PPP3CA: variants seen among roughly 807,000 people sequenced by gnomAD.
PPP3CA encodes the protein CAM-PRP catalytic subunit.
In PPP3CA, 14 loss-of-function variants were observed where a neutral mutation model predicts 66.5. That is an observed-to-expected ratio of 0.21 (90% confidence interval 0.14 to 0.33). The LOEUF is 0.33. PPP3CA is among the 10% of genes least tolerant of loss of function. The pLI, the probability that PPP3CA is intolerant of heterozygous loss-of-function variation, is 1.00. For synonymous variants in PPP3CA, 232 were observed against 226.2 expected, an observed-to-expected ratio of 1.03 and a Z score of -0.23; for missense variants, 317 against 639.5, an observed-to-expected ratio of 0.50 and a Z score of 5.44.
intron 8 of PPP3CA, among the ~76,000 whole-genome samples, chr4:101,073,702 C>A (rs1729024484): frequency 6.6e-6 from 1 of 152,066 alleles, no homozygotes; most frequent in Admixed American, 6.5e-5. Flanking sequence ...AATAAATTAT[C>A]TTCTAGTGTG....
intron 1 of PPP3CA, among the ~76,000 whole-genome samples, chr4:101,304,176 A>C (rs1479581405): frequency 6.6e-6 from 1 of 152,146 alleles, no homozygotes; most frequent in Non-Finnish European, 1.5e-5. Flanking sequence ...TCATCAGGAT[A>C]TTTCAGTAAT....
At chr4:101,149,122 T>G (rs1263937894) in intron 2 of PPP3CA, among the ~76,000 whole-genome samples, 1 of 152,170 alleles carries the variant, frequency 6.6e-6, no homozygotes, top group East Asian at 1.9e-4. Flanking sequence ...GAAGCTATAA[T>G]CACATGTAAC....
intron 2 of PPP3CA, among the ~76,000 whole-genome samples, chr4:101,157,001 G>T (rs1723345039): frequency 6.6e-6 from 1 of 152,186 alleles, no homozygotes. Flanking sequence ...AGCAATCACA[G>T]ATTAACATTC....
rs1412619260 is a variant in PPP3CA, at chr4:101,115,828, T to C, written c.260-6750A>G. Among the ~76,000 whole-genome samples the C allele has an allele frequency of 2.6e-5, 4 of 152,108 alleles. No homozygotes were observed. In the East Asian group the frequency reaches 5.8e-4, roughly 22 times the overall value. On this transcript the variant is annotated intron_variant, in intron 2 of 13. Coordinates refer to ENST00000394854, the MANE Select transcript of PPP3CA (RefSeq NM_000944.5). Reference sequence around the variant, plus strand: ...AAGGGAAATCCGTTAAAGAACATCATTGGGTCAACTTGTTAACAATGAGCA... The same window carrying C: ...AAGGGAAATCCGTTAAAGAACATCACTGGGTCAACTTGTTAACAATGAGCA...
At chr4:101,258,643 C>A (rs1021789645) in intron 1 of PPP3CA, among the ~76,000 whole-genome samples, 2 of 152,012 alleles carry the variant, frequency 1.3e-5, no homozygotes, top group Non-Finnish European at 2.9e-5. Context: ...TACTACTGAG[C>A]TAAACTACTC....
chr4:101,055,476 A>C (rs1728186942), intron 10 of PPP3CA, among the ~76,000 whole-genome samples: 1 of 152,200 alleles, frequency 6.6e-6, no homozygotes, highest in Non-Finnish European at 1.5e-5. Context: ...TAGATCATCA[A>C]AAGACATTCA....
chr4:101,178,888 C>T (rs1201323102), intron 2 of PPP3CA, among the ~76,000 whole-genome samples: 1 of 152,090 alleles, frequency 6.6e-6, no homozygotes, highest in Non-Finnish European at 1.5e-5. Flanking sequence ...CACACATAAA[C>T]CACCTCTGAC....
Position 101,069,769 on chromosome 4 carries a change from C to A in PPP3CA, c.956-6412G>T, listed in dbSNP as rs908613054. Among the ~76,000 whole-genome samples, 4 of 152,184 alleles carry A rather than the reference C, an allele frequency of 2.6e-5. No homozygotes were observed. In the South Asian group the frequency reaches 6.2e-4, roughly 24 times the overall value. On this transcript the variant is annotated intron_variant, in intron 8 of 13. Coordinates refer to ENST00000394854, the MANE Select transcript of PPP3CA (RefSeq NM_000944.5). The stretch of plus-strand genomic sequence containing the variant: ...CGAGGATGAAAACTTTTATGATAAT[C>A]CACATCCACTTAATGAATAGTAAAT...
At chr4:101,193,024 G>C (rs150989385) in intron 2 of PPP3CA, among the ~76,000 whole-genome samples, 48 of 152,250 alleles carry the variant, frequency 3.2e-4, no homozygotes, top group African/African-American at 1.1e-3. Context: ...ACACATTTTG[G>C]TTTTAAATTA....
intron 1 of PPP3CA, among the ~76,000 whole-genome samples, chr4:101,254,622 G>T (rs1218783919): frequency 1.3e-5 from 2 of 151,818 alleles, no homozygotes; most frequent in Non-Finnish European, 2.9e-5. Flanking sequence ...GGTGTTCACT[G>T]ATATCATTCA....
intron 1 of PPP3CA, among the ~76,000 whole-genome samples, chr4:101,232,850 T>C (rs576090120): frequency 1.8e-4 from 27 of 151,876 alleles, no homozygotes; most frequent in Admixed American, 1.4e-3. Flanking sequence ...TGTTTTTCCA[T>C]TTTTAATGGT....
chr4:101,339,729 G>A (rs1729748708), intron 1 of PPP3CA, among the ~76,000 whole-genome samples: 1 of 152,102 alleles, frequency 6.6e-6, no homozygotes, highest in South Asian at 2.1e-4. Flanking sequence ...AATAAGCAAG[G>A]CATTGAGCTA....
At chr4:101,230,193 G>C (rs1024223263) in intron 1 of PPP3CA, among the ~76,000 whole-genome samples, 1 of 151,352 alleles carries the variant, frequency 6.6e-6, no homozygotes, top group Admixed American at 6.6e-5. Flanking sequence ...TTAGTCATAC[G>C]TCTAGAAATT....
chr4:101,252,254 C>T (rs555841245), intron 1 of PPP3CA, among the ~76,000 whole-genome samples: 1 of 152,252 alleles, frequency 6.6e-6, no homozygotes, highest in African/African-American at 2.4e-5. Flanking sequence ...ATTACCAGCA[C>T]AATGACATTT....
chr4:101,227,822 T>C (rs1725831933), intron 1 of PPP3CA, among the ~76,000 whole-genome samples: 1 of 151,784 alleles, frequency 6.6e-6, no homozygotes, highest in Non-Finnish European at 1.5e-5. Flanking sequence ...TATTTGGTTT[T>C]CTGTTCCTGC....
chr4:101,106,125 C>T (rs1023927194), intron 3 of PPP3CA, among the ~76,000 whole-genome samples: 1 of 151,764 alleles, frequency 6.6e-6, no homozygotes, highest in African/African-American at 2.4e-5. Context: ...GAGATGGAGA[C>T]CAGCCTGGGC....
intron 11 of PPP3CA, among the ~76,000 whole-genome samples, chr4:101,039,015 A>AGATTCACATG (rs1727386883): frequency 9.4e-6 from 1 of 106,090 alleles, no homozygotes; most frequent in African/African-American, 3.2e-5. Flanking sequence ...AATAAGAAAT[A>AGATTCACATG]AAAGCATTAT....
intron 2 of PPP3CA, among the ~76,000 whole-genome samples, chr4:101,156,203 T>C (rs532464981): frequency 1.3e-5 from 2 of 152,074 alleles, no homozygotes; most frequent in Admixed American, 1.3e-4. Flanking sequence ...TTTCAGTGAG[T>C]CAATCCCTCA....
chr4:101,220,218 T>G (rs1725580675), intron 1 of PPP3CA, among the ~76,000 whole-genome samples: 1 of 151,458 alleles, frequency 6.6e-6, no homozygotes, highest in Non-Finnish European at 1.5e-5. Flanking sequence ...TCAAATCCTT[T>G]GAGACAAGGT....
Sources: gnomAD v4.1 joint callset for allele counts (sites outside exome capture counted in the v4.1 genomes callset) on GRCh38, gnomAD v4.1.1 for gene constraint, MANE v1.5 for transcripts, NCBI Gene and HGNC (gene_info 2026-07-23, HGNC 2026-07-21) for gene names.